Variants in NR2C2 observed in about 807,000 individuals in gnomAD.
The protein encoded by NR2C2 is Nuclear hormone receptor TR4.
NR2C2 carries 6 observed loss-of-function variants against 62.9 expected under a neutral mutation model. That is an observed-to-expected ratio of 0.10 (90% confidence interval 0.05 to 0.19). The LOEUF is 0.19. Ranked by LOEUF, NR2C2 falls within the 10% of genes least tolerant of loss-of-function variation. NR2C2 has a pLI of 1.00. For missense variants in NR2C2, 479 were observed against 762.7 expected, an observed-to-expected ratio of 0.63 and a Z score of 4.38; for synonymous variants, 272 against 273.8, an observed-to-expected ratio of 0.99 and a Z score of 0.07.
intron 1 of NR2C2, among the ~76,000 whole-genome samples, chr3:14,973,417 A>T (rs565186279): frequency 5.9e-5 from 9 of 152,146 alleles, no homozygotes; most frequent in Admixed American, 2.0e-4. Context: ...AATTTTTTTT[A>T]AAGACAGGGT....
intron 1 of NR2C2, among the ~76,000 whole-genome samples, chr3:14,949,862 C>T (rs75149531): frequency 6.6e-6 from 1 of 152,072 alleles, no homozygotes; most frequent in Non-Finnish European, 1.5e-5. Context: ...TTCTCTCTCT[C>T]GAGATAGAGA....
intron 13 of NR2C2, 53 bp from the exon 14 acceptor site, chr3:15,042,781 G>A: frequency 1.3e-6 from 2 of 1,555,680 alleles, no homozygotes; most frequent in Middle Eastern, 1.7e-4. Flanking sequence ...TTGCTGAGCT[G>A]TGGTTGAAGG....
At chr3:14,955,070 G>T (rs114226686) in intron 1 of NR2C2, among the ~76,000 whole-genome samples, 2,411 of 152,204 alleles carry the variant, frequency 0.016, 68 homozygotes, top group African/African-American at 0.054. Context: ...AGCTCAGGCA[G>T]TCCAGCCATC....
chr3:14,957,209 G>A (rs767486651), intron 1 of NR2C2, among the ~76,000 whole-genome samples: 1 of 152,172 alleles, frequency 6.6e-6, no homozygotes, highest in Non-Finnish European at 1.5e-5. Context: ...ACATAAATAT[G>A]GATGATTTGA....
intron 1 of NR2C2, among the ~76,000 whole-genome samples, chr3:14,998,123 A>T (rs1433804796): frequency 6.6e-6 from 1 of 152,242 alleles, no homozygotes; most frequent in Non-Finnish European, 1.5e-5. Context: ...TTGCCAAATA[A>T]TACTCCATTA....
chr3:15,029,792 AAT>A (rs55834583), intron 8 of NR2C2, among the ~76,000 whole-genome samples: 82 of 139,302 alleles, frequency 5.9e-4, no homozygotes, highest in Admixed American at 1.8e-3. Flanking sequence ...GTAAATAAAT[AAT>A]AGATAGATAG....
chr3:15,026,205 A>C (rs183289150), intron 7 of NR2C2: 11 of 152,032 alleles, frequency 7.2e-5, no homozygotes, highest in Non-Finnish European at 1.0e-4. Context: ...TTTTTTTTGT[A>C]GAGACGGTGT....
intron 1 of NR2C2, among the ~76,000 whole-genome samples, chr3:14,972,433 C>T (rs1197524481): frequency 1.3e-5 from 2 of 151,842 alleles, no homozygotes; most frequent in Admixed American, 6.6e-5. Context: ...GCTGGGGCTC[C>T]GAAAGTGCTG....
intron 13 of NR2C2, among the ~76,000 whole-genome samples, chr3:15,041,580 G>A (rs868594749): frequency 5.9e-5 from 9 of 152,212 alleles, no homozygotes; most frequent in Admixed American, 3.9e-4. Flanking sequence ...GGGGCAGGGC[G>A]TGGTGACTCA....
intron 1 of NR2C2, among the ~76,000 whole-genome samples, chr3:14,991,615 CTG>C (rs1443092696): frequency 6.6e-6 from 1 of 152,154 alleles, no homozygotes; most frequent in Non-Finnish European, 1.5e-5. Flanking sequence ...GAGTGTAACT[CTG>C]TTATCCTATT....
intron 1 of NR2C2, among the ~76,000 whole-genome samples, chr3:14,968,772 T>G (rs1466559097): frequency 1.4e-5 from 2 of 138,518 alleles, no homozygotes; most frequent in Admixed American, 7.3e-5. Flanking sequence ...TAAGAAAATG[T>G]GGCACATATA....
At chr3:14,957,407 A>G (rs967544418) in intron 1 of NR2C2, among the ~76,000 whole-genome samples, 13 of 152,206 alleles carry the variant, frequency 8.5e-5, no homozygotes, top group Admixed American at 7.9e-4. Flanking sequence ...AGGTTTAGTT[A>G]GCTATCACTT....
chr3:14,949,101 G>A (rs2039256621), intron 1 of NR2C2, among the ~76,000 whole-genome samples: 1 of 152,218 alleles, frequency 6.6e-6, no homozygotes, highest in Non-Finnish European at 1.5e-5. Context: ...CTGAATACAT[G>A]TTGACTTAGT....
chr3:15,004,527 T>A (rs2041112412), intron 2 of NR2C2: 1 of 1,593,814 alleles, frequency 6.3e-7, no homozygotes, highest in Admixed American at 1.7e-5. Flanking sequence ...AACTAATCGA[T>A]ATTCACTTAT....
intron 7 of NR2C2, among the ~76,000 whole-genome samples, chr3:15,024,772 C>T (rs1204714339): frequency 6.6e-6 from 1 of 152,216 alleles, no homozygotes; most frequent in Non-Finnish European, 1.5e-5. Flanking sequence ...TTTGTCTCAT[C>T]CTGGTGCTCC....
chr3:14,997,539 A>G (rs1476167240), intron 1 of NR2C2, among the ~76,000 whole-genome samples: 1 of 152,222 alleles, frequency 6.6e-6, no homozygotes, highest in Non-Finnish European at 1.5e-5. Flanking sequence ...TTATGTGTAC[A>G]TGGATCCTGG....
chr3:15,032,620 A>T, intron 10 of NR2C2, 120 bp downstream of exon 10: 1 of 1,216,002 alleles, frequency 8.2e-7, no homozygotes, highest in Non-Finnish European at 1.2e-6. Flanking sequence ...CATTCAAAGG[A>T]CCCTGAGTTT....
chr3:15,008,915 G>A (rs553544567), intron 2 of NR2C2, among the ~76,000 whole-genome samples: 2 of 152,104 alleles, frequency 1.3e-5, no homozygotes, highest in African/African-American at 4.8e-5. Flanking sequence ...TAAATACATA[G>A]TGACTATAAT....
chr3:15,006,653 G>A (rs1049107822), intron 2 of NR2C2, among the ~76,000 whole-genome samples: 2 of 152,096 alleles, frequency 1.3e-5, no homozygotes, highest in African/African-American at 4.8e-5. Flanking sequence ...CATGCTGGTT[G>A]TCTGTGGGCC....
Sources: allele counts gnomAD v4.1 joint callset (sites outside exome capture counted in the v4.1 genomes callset), GRCh38; gene constraint gnomAD v4.1.1; transcripts MANE v1.5; gene names NCBI Gene and HGNC (gene_info 2026-07-23, HGNC 2026-07-21).